Variants in RGS5 observed in about 807,000 individuals in gnomAD.
RGS5 encodes regulator of G protein signaling 5.
In RGS5, 20 loss-of-function variants were observed where a neutral mutation model predicts 18.9. The ratio of observed to expected loss-of-function variants is 1.06; its 90% CI spans 0.74 to 1.54. The LOEUF is 1.54. Ranked by LOEUF, RGS5 falls within the 40% of genes most tolerant of loss-of-function variation. The pLI, the probability that RGS5 is intolerant of heterozygous loss-of-function variation, is 0.00. For missense variants in RGS5, 201 were observed against 211.8 expected (o/e 0.95, Z 0.32); for synonymous variants, 57 against 76.2 (o/e 0.75, Z 1.31).
At chr1:163,176,640 A>G (rs1314472882) in intron 1 of RGS5, among the ~76,000 whole-genome samples, 2 of 151,512 alleles carry the variant, frequency 1.3e-5, no homozygotes, top group East Asian at 3.9e-4. Context: ...AAAAGAAAAG[A>G]AAAAAAGAAA....
In RGS5 at chr1:163,168,360, T is replaced by C. The variant is rs760440634; in HGVS notation, c.53A>G (p.Glu18Gly). The C allele has an allele frequency of 6.2e-6, 10 of 1,612,868 alleles. No homozygotes were observed. The East Asian group carries it at 2.0e-4, about 32-fold the overall frequency. Residue 18 changes from glutamate to glycine, a missense_variant, in exon 2 of 5, where the codon GAG (glutamate) becomes GGG (glycine). Transcript: ENST00000313961. ...LPHSCLERAKEIKIKLGILLQ... is the reference protein window; with the variant it reads ...LPHSCLERAKGIKIKLGILLQ... ...GAGAATTCCCAACTTGATCTTAATCTCCTTGGCCCTGAAAGAAGAGACACA... is the reference window on the plus strand; with the variant it reads ...GAGAATTCCCAACTTGATCTTAATCCCCTTGGCCCTGAAAGAAGAGACACA...
At chr1:163,262,741 C>A (rs1028858738) in intron 2 of RGS5, among the ~76,000 whole-genome samples, 11 of 148,858 alleles carry the variant, frequency 7.4e-5, no homozygotes, top group Non-Finnish European at 1.6e-4. Context: ...ACACTGACTT[C>A]CACAATGGTT....
intron 1 of RGS5, among the ~76,000 whole-genome samples, chr1:163,209,131 C>T (rs1364206078): frequency 6.6e-6 from 1 of 152,084 alleles, no homozygotes; most frequent in East Asian, 1.9e-4. Context: ...ATTAACAAAA[C>T]CAAAAAGGCC....
chr1:163,220,538 C>G (rs1321147407), upstream of RGS5, among the ~76,000 whole-genome samples: 1 of 152,138 alleles, frequency 6.6e-6, no homozygotes, highest in Non-Finnish European at 1.5e-5. Context: ...TTTACGGTGA[C>G]TTTCAAACTT....
chr1:163,191,315 G>T (rs971595750), intron 1 of RGS5, among the ~76,000 whole-genome samples: 1 of 151,842 alleles, frequency 6.6e-6, no homozygotes, highest in Non-Finnish European at 1.5e-5. Flanking sequence ...TGCTTATGAA[G>T]TGTCAGATGC....
At chr1:163,233,839 C>CA (rs924476129) in intron 2 of RGS5, among the ~76,000 whole-genome samples, 7 of 152,166 alleles carry the variant, frequency 4.6e-5, no homozygotes, top group South Asian at 2.1e-4. Context: ...ATCACAAGGG[C>CA]AGGGAGGGTG....
chr1:163,266,811 C>T (rs1419454226), intron 2 of RGS5: 1 of 152,110 alleles, frequency 6.6e-6, no homozygotes, highest in Non-Finnish European at 1.5e-5. Flanking sequence ...AGAGGCATAT[C>T]TTATATGCTC....
At chr1:163,251,896 A>G (rs1648116300) in intron 2 of RGS5, among the ~76,000 whole-genome samples, 1 of 152,182 alleles carries the variant, frequency 6.6e-6, no homozygotes, top group African/African-American at 2.4e-5. Flanking sequence ...TTATTTAAAC[A>G]TTCATTCATT....
At chr1:163,291,474 G>A (rs1402067210) in intron 2 of RGS5, among the ~76,000 whole-genome samples, 1 of 152,176 alleles carries the variant, frequency 6.6e-6, no homozygotes, top group Non-Finnish European at 1.5e-5. Context: ...AGAGGAGCCA[G>A]AATTCTGCTA....
intron 1 of RGS5, among the ~76,000 whole-genome samples, chr1:163,198,304 A>C (rs1439775275): frequency 6.6e-6 from 1 of 152,114 alleles, no homozygotes; most frequent in African/African-American, 2.4e-5. Flanking sequence ...TGAACTGTGG[A>C]TTAAACACAT....
At chr1:163,172,477 G>T in intron 1 of RGS5, 2 of 1,460,396 alleles carry the variant, frequency 1.4e-6, no homozygotes, top group South Asian at 2.6e-5. Flanking sequence ...GTTTTTTGTG[G>T]AATGATCTAG....
chr1:163,163,995 C>G (rs932928490), intron 2 of RGS5, among the ~76,000 whole-genome samples: 1 of 152,148 alleles, frequency 6.6e-6, no homozygotes, highest in African/African-American at 2.4e-5. Context: ...TTGTTGGAAC[C>G]AGGCTAATGG....
Position 163,152,728 on chromosome 1 carries a change from A to T in RGS5, c.218-12T>A, listed in dbSNP as rs370113424. The T allele has an allele frequency of 1.1e-5, 17 of 1,570,448 alleles. No homozygotes were observed. Among genetic ancestry groups the T allele is most frequent in the Non-Finnish European group, 1.4e-5 (16 of 1,163,772 alleles). ...ACTGGCAAGTCCATCTGGAAAGAAA[A>T]AAACAGTCAGCTGGAGAAATTTATT... On this transcript the variant is annotated splice_polypyrimidine_tract_variant and intron_variant, in intron 3 of 4. Transcript: ENST00000313961.
intron 1 of RGS5, among the ~76,000 whole-genome samples, chr1:163,193,397 G>GA (rs1659435008): frequency 6.6e-6 from 1 of 151,968 alleles, no homozygotes; most frequent in African/African-American, 2.4e-5. Context: ...TTTTGAAGGA[G>GA]AACAAAAATT....
chr1:163,164,066 C>T (rs145667216), intron 2 of RGS5, among the ~76,000 whole-genome samples: 8 of 152,234 alleles, frequency 5.3e-5, no homozygotes, highest in South Asian at 2.1e-4. Flanking sequence ...GTGCAGAGCC[C>T]GCTTGGGGGT....
chr1:163,159,998 G>A (rs753226542), intron 3 of RGS5, among the ~76,000 whole-genome samples: 3 of 152,044 alleles, frequency 2.0e-5, no homozygotes, highest in Non-Finnish European at 2.9e-5. Flanking sequence ...ATCTCAACAC[G>A]ATGGTAATCA....
At chr1:163,286,881 C>T (rs1355634437) in intron 2 of RGS5, among the ~76,000 whole-genome samples, 1 of 152,034 alleles carries the variant, frequency 6.6e-6, no homozygotes, top group Non-Finnish European at 1.5e-5. Flanking sequence ...TCATTCCTTT[C>T]TTCAGAGTAA....
upstream of RGS5, among the ~76,000 whole-genome samples, chr1:163,219,126 G>A (rs1316463847): frequency 9.6e-6 from 1 of 103,770 alleles, no homozygotes; most frequent in African/African-American, 3.3e-5. Context: ...TTATCGAGGT[G>A]TAAATGCATA....
At chr1:163,279,651 G>C (rs1011449500) in intron 2 of RGS5, among the ~76,000 whole-genome samples, 4 of 151,782 alleles carry the variant, frequency 2.6e-5, no homozygotes, top group African/African-American at 7.2e-5. Flanking sequence ...TAGAAGAAAA[G>C]AAATAGTAAA....
Sources: allele counts gnomAD v4.1 joint callset (sites outside exome capture counted in the v4.1 genomes callset), GRCh38; gene constraint gnomAD v4.1.1; transcripts MANE v1.5; gene names NCBI Gene and HGNC (gene_info 2026-07-23, HGNC 2026-07-21).